The following SGCD variants were observed in gnomAD, a reference collection of about 807,000 sequenced individuals.
SGCD encodes sarcoglycan delta.
A neutral mutation model predicts 36.6 loss-of-function variants in SGCD; 18 were observed. That is an observed-to-expected ratio of 0.49 (90% CI 0.34 to 0.73). The LOEUF is 0.73. SGCD is among the 30% of genes least tolerant of loss of function. The pLI, the probability that SGCD is intolerant of heterozygous loss-of-function variation, is 0.01. For missense variants in SGCD, 387 were observed against 346.7 expected (o/e 1.12, Z -0.92); for synonymous variants, 133 against 130.6 (o/e 1.02, Z -0.12).
At chr5:156,124,689 G>A (rs536566840) in intron 3 of SGCD, among the ~76,000 whole-genome samples, 7 of 151,990 alleles carry the variant, frequency 4.6e-5, no homozygotes, top group South Asian at 2.1e-4. Context: ...ATCTCTGTGC[G>A]TGTGTATGTG....
At chr5:155,770,938 A>G in the SGCD span, among the ~76,000 whole-genome samples, 1 of 152,170 alleles carries the variant, frequency 6.6e-6, no homozygotes, top group African/African-American at 2.4e-5. Context: ...TCTCTTAAGT[A>G]TTCTGGATAT....
chr5:156,252,611 T>A (rs1038920281), intron 3 of SGCD, among the ~76,000 whole-genome samples: 5 of 152,204 alleles, frequency 3.3e-5, no homozygotes, highest in Admixed American at 2.0e-4. Flanking sequence ...TTGTTCAAAC[T>A]TTTTAAGAAC....
At chr5:156,559,208 C>T (rs62380862) in intron 4 of SGCD, among the ~76,000 whole-genome samples, 3,935 of 152,224 alleles carry the variant, frequency 0.026, 84 homozygotes, top group Middle Eastern at 0.099. Context: ...GGCCCAACTT[C>T]AAAAGTGCCC....
intron 6 of SGCD, among the ~76,000 whole-genome samples, chr5:156,619,844 C>T (rs992099263): frequency 6.6e-6 from 1 of 152,176 alleles, no homozygotes; most frequent in African/African-American, 2.4e-5. Flanking sequence ...TCTTACGCTC[C>T]TTATGCTTCA....
intron 6 of SGCD, among the ~76,000 whole-genome samples, chr5:156,644,435 A>T (rs2113575449): frequency 6.6e-6 from 1 of 152,036 alleles, no homozygotes; most frequent in South Asian, 2.1e-4. Flanking sequence ...TTGATGTTTT[A>T]GTTAAGTTTC....
intron 3 of SGCD, among the ~76,000 whole-genome samples, chr5:156,126,089 C>T (rs182515737): frequency 2.2e-4 from 34 of 152,030 alleles, no homozygotes; most frequent in Non-Finnish European, 3.5e-4. Flanking sequence ...CCATATTGTC[C>T]ACGCTGGTCT....
chr5:155,822,585 A>G, the SGCD span, among the ~76,000 whole-genome samples: 8,215 of 152,302 alleles, frequency 0.054, 502 homozygotes, highest in African/African-American at 0.15. Context: ...GCAGTTGTCC[A>G]GATAATCCCT....
intron 1 of SGCD, among the ~76,000 whole-genome samples, chr5:156,115,514 C>G (rs1489251876): frequency 1.3e-5 from 2 of 151,930 alleles, no homozygotes; most frequent in Admixed American, 1.3e-4. Flanking sequence ...AGTGTTCATC[C>G]CTACAAGATG....
chr5:155,910,595 C>T (rs899103828), intron 1 of SGCD, among the ~76,000 whole-genome samples: 1 of 151,968 alleles, frequency 6.6e-6, no homozygotes, highest in African/African-American at 2.4e-5. Flanking sequence ...TGAAAAAGCA[C>T]AATACTAGAA....
At chr5:156,415,287 C>G (rs1392854885) in intron 3 of SGCD, among the ~76,000 whole-genome samples, 1 of 152,110 alleles carries the variant, frequency 6.6e-6, no homozygotes, top group Non-Finnish European at 1.5e-5. Flanking sequence ...AGAGCACTGC[C>G]CTGCTCTTGC....
At chr5:156,071,777 T>G (rs1052037133) in intron 1 of SGCD, among the ~76,000 whole-genome samples, 1 of 152,208 alleles carries the variant, frequency 6.6e-6, no homozygotes, top group Non-Finnish European at 1.5e-5. Context: ...AATCTCTTTG[T>G]AGGTCACTCA....
At chr5:156,255,581 A>G (rs1362629075) in intron 3 of SGCD, among the ~76,000 whole-genome samples, 2 of 152,102 alleles carry the variant, frequency 1.3e-5, no homozygotes, top group African/African-American at 4.8e-5. Flanking sequence ...TCCTTGAGTC[A>G]GTTGTGATTA....
the SGCD span, among the ~76,000 whole-genome samples, chr5:155,809,156 G>A: frequency 6.6e-6 from 1 of 152,212 alleles, no homozygotes; most frequent in South Asian, 2.1e-4. Flanking sequence ...ATTACCTGGA[G>A]AAGACCAGGC....
In SGCD at chr5:156,173,269, A is replaced by T. The variant is rs75160465; in HGVS notation, c.-44+49250A>T. On this transcript the variant is annotated intron_variant, in intron 3 of 9. Coordinates refer to the SGCD transcript ENST00000517913. Reference sequence around the variant, plus strand: ...AAAATAAATGGACAAAAAATACCACATGTGGACTTGCCAAAAAGATCATTT... The same window carrying T: ...AAAATAAATGGACAAAAAATACCACTTGTGGACTTGCCAAAAAGATCATTT... Among the ~76,000 whole-genome samples, 375 of 152,318 alleles carry T rather than the reference A, an allele frequency of 2.5e-3. 1 individual carries two copies. The highest frequency in any genetic ancestry group is 7.9e-3 in the African/African-American group (329 of 41,582).
At chr5:156,547,609 A>AT (rs1351434116) in intron 4 of SGCD, among the ~76,000 whole-genome samples, 5 of 151,826 alleles carry the variant, frequency 3.3e-5, no homozygotes, top group African/African-American at 9.7e-5. Context: ...TGCCCGGCTA[A>AT]TTTTTTGTAT....
chr5:156,133,095 G>A (rs984091225), intron 3 of SGCD, among the ~76,000 whole-genome samples: 4 of 152,078 alleles, frequency 2.6e-5, no homozygotes, highest in Non-Finnish European at 4.4e-5. Context: ...CAATTTCCTC[G>A]AATGTAAAAT....
intron 7 of SGCD, among the ~76,000 whole-genome samples, chr5:156,715,588 G>A (rs1755184163): frequency 6.6e-6 from 1 of 152,206 alleles, no homozygotes; most frequent in Non-Finnish European, 1.5e-5. Context: ...AGATGAGACT[G>A]AGAGATGCTA....
chr5:156,712,199 C>A (rs1755023015), intron 7 of SGCD, among the ~76,000 whole-genome samples: 1 of 152,212 alleles, frequency 6.6e-6, no homozygotes, highest in South Asian at 2.1e-4. Flanking sequence ...CATCTGGGAA[C>A]AGGTCTCAGC....
intron 3 of SGCD, among the ~76,000 whole-genome samples, chr5:156,381,310 G>A (rs987417426): frequency 3.3e-5 from 5 of 152,206 alleles, no homozygotes; most frequent in Admixed American, 2.0e-4. Context: ...ACAGATAAAA[G>A]GAAACGTAAG....
Sources: allele counts gnomAD v4.1 joint callset (sites outside exome capture counted in the v4.1 genomes callset), GRCh38; gene constraint gnomAD v4.1.1; transcripts MANE v1.5; gene names NCBI Gene and HGNC (gene_info 2026-07-23, HGNC 2026-07-21).